Variants in ZNG1F observed in about 807,000 individuals in gnomAD.
ZNG1F encodes the protein zinc-regulated GTPase metalloprotein activator 1F.
chr9:41,166,455 T>C, the ZNG1F span, among the ~76,000 whole-genome samples: 2 of 140,506 alleles, frequency 1.4e-5, no homozygotes, highest in Admixed American at 7.3e-5. Flanking sequence ...CATATATATA[T>C]ATATATATAT....
the ZNG1F span, chr9:41,132,569 T>A: frequency 7.3e-7 from 1 of 1,375,750 alleles, no homozygotes; most frequent in Non-Finnish European, 9.4e-7. Flanking sequence ...TGTATTGATT[T>A]TTTTTTTGAA....
chr9:41,183,662 T>C, the ZNG1F span: 2 of 1,605,984 alleles, frequency 1.2e-6, no homozygotes, highest in Non-Finnish European at 1.7e-6. Flanking sequence ...GCGCACTTCC[T>C]AGAATAAATA....
the ZNG1F span, among the ~76,000 whole-genome samples, chr9:41,151,422 A>T: frequency 2.7e-5 from 4 of 150,210 alleles, no homozygotes; most frequent in Non-Finnish European, 4.4e-5. Flanking sequence ...GTTGGAAAAC[A>T]CTCTGCAGGA....
the ZNG1F span, among the ~76,000 whole-genome samples, chr9:41,187,393 G>A: frequency 1.5e-5 from 2 of 132,382 alleles, no homozygotes; most frequent in Non-Finnish European, 3.3e-5. Flanking sequence ...CAGTAAAAAA[G>A]TACCTATTCC....
At chr9:41,132,183 A>G in the ZNG1F span, 6 of 1,591,852 alleles carry the variant, frequency 3.8e-6, 2 homozygotes, top group African/African-American at 4.1e-5. Context: ...CCTTTCAAAT[A>G]TATTTTTCAC....
chr9:41,185,663 C>T, the ZNG1F span, among the ~76,000 whole-genome samples: 1 of 151,884 alleles, frequency 6.6e-6, no homozygotes, highest in Admixed American at 6.6e-5. Flanking sequence ...CAGAGAGAGA[C>T]TCCATCTCAA....
the ZNG1F span, among the ~76,000 whole-genome samples, chr9:41,185,626 T>G: frequency 6.6e-6 from 1 of 151,794 alleles, no homozygotes; most frequent in Admixed American, 6.6e-5. Context: ...TGAGCTGAGA[T>G]TGCACCACTG....
At chr9:41,176,802 G>A in the ZNG1F span, 2 of 147,208 alleles carry the variant, frequency 1.4e-5, no homozygotes, top group Non-Finnish European at 3.0e-5. Context: ...CACATACAGG[G>A]AATAAAAAGC....
chr9:41,164,762 G>T, the ZNG1F span: 1 of 273,616 alleles, frequency 3.7e-6, no homozygotes, highest in Non-Finnish European at 6.5e-6. Flanking sequence ...GAAAGATGGA[G>T]TGCGAAGACC....
chr9:41,132,090 C>G, the ZNG1F span: 9 of 1,549,076 alleles, frequency 5.8e-6, 1 homozygote, highest in Non-Finnish European at 7.8e-6. Flanking sequence ...TGTAACGTGA[C>G]AAAGATGAAA....
chr9:41,138,044 G>GTT, the ZNG1F span, among the ~76,000 whole-genome samples: 37 of 135,564 alleles, frequency 2.7e-4, 3 homozygotes, highest in Non-Finnish European at 5.1e-4. Flanking sequence ...TTGTTTTTTT[G>GTT]TTTTTTGTTG....
At chr9:41,166,376 C>T in the ZNG1F span, among the ~76,000 whole-genome samples, 2 of 116,796 alleles carry the variant, frequency 1.7e-5, no homozygotes, top group African/African-American at 3.4e-5. Context: ...TTGCAGTGAG[C>T]CTGCACTTCA....
chr9:41,136,571 T>C, the ZNG1F span, among the ~76,000 whole-genome samples: 1 of 13,592 alleles, frequency 7.4e-5, no homozygotes, highest in African/African-American at 1.4e-4. Context: ...AATAGTGTCT[T>C]TAAGACTGGT....
the ZNG1F span, among the ~76,000 whole-genome samples, chr9:41,139,469 G>A: frequency 6.8e-6 from 1 of 147,582 alleles, no homozygotes; most frequent in Admixed American, 6.9e-5. Flanking sequence ...GCAGGGAGGT[G>A]GCACTTTCCA....
At chr9:41,199,911 G>A in the ZNG1F span, among the ~76,000 whole-genome samples, 1 of 144,580 alleles carries the variant, frequency 6.9e-6, no homozygotes, top group Non-Finnish European at 1.5e-5. Flanking sequence ...TTCATGGCTG[G>A]GATGCAGGGT....
the ZNG1F span, among the ~76,000 whole-genome samples, chr9:41,153,806 C>T: frequency 3.5e-4 from 37 of 106,086 alleles, no homozygotes; most frequent in African/African-American, 9.7e-4. Flanking sequence ...TTCAACAACC[C>T]GTCATGCTAA....
the ZNG1F span, among the ~76,000 whole-genome samples, chr9:41,140,238 C>A: frequency 7.2e-6 from 1 of 139,400 alleles, no homozygotes; most frequent in Non-Finnish European, 1.5e-5. Flanking sequence ...GTATAACCTA[C>A]TACACACCTA....
At chr9:41,184,124 TA>T in the ZNG1F span, among the ~76,000 whole-genome samples, 1 of 151,358 alleles carries the variant, frequency 6.6e-6, no homozygotes, top group African/African-American at 2.4e-5. Context: ...TCCCAATGAG[TA>T]AAAACCCTAG....
chr9:41,154,706 C>G, the ZNG1F span, among the ~76,000 whole-genome samples: 2 of 149,340 alleles, frequency 1.3e-5, no homozygotes, highest in African/African-American at 4.9e-5. Flanking sequence ...TGCCGCATAT[C>G]TACAACTATC....
Sources: allele counts gnomAD v4.1 joint callset (sites outside exome capture counted in the v4.1 genomes callset), GRCh38; gene constraint gnomAD v4.1.1; transcripts MANE v1.5; gene names NCBI Gene and HGNC (gene_info 2026-07-23, HGNC 2026-07-21).